SUGP2: variants seen among roughly 807,000 people sequenced by gnomAD.
SUGP2 encodes SURP and G-patch domain-containing protein 2.
In SUGP2, 24 loss-of-function variants were observed where a neutral mutation model predicts 90.5. The observed-to-expected ratio is 0.27, with a 90% CI of 0.19 to 0.37. The LOEUF (loss-of-function observed/expected upper bound fraction) is 0.37, where lower values mean the gene tolerates loss of function less well. SUGP2 is among the 10% of genes least tolerant of loss of function. The pLI is 1.00. For synonymous variants in SUGP2, 473 were observed against 513.4 expected (o/e 0.92, Z 1.06); for missense variants, 1,233 against 1,363.3 (o/e 0.90, Z 1.51).
intron 7 of SUGP2, among the ~76,000 whole-genome samples, chr19:19,003,088 C>T (rs180717519): frequency 6.6e-6 from 1 of 152,256 alleles, no homozygotes; most frequent in Admixed American, 6.5e-5. Context: ...ATTACAGGCA[C>T]GAGCCACTGC....
rs1297435702 is a variant in SUGP2, at chr19:18,991,072, G to A, written c.*2669C>T. 1.3e-5 allele frequency: 2 copies of A among 152,128 alleles called. No individual in the cohort carries two copies. The highest frequency in any genetic ancestry group is 1.9e-4 in the East Asian group (1 of 5,172). The allele number at this position is 152,128 out of a possible 1,614,324, so 9.4% of individuals were successfully genotyped here. On this transcript the variant is annotated 3_prime_UTR_variant, in exon 11 of 11. Transcript: ENST00000452918. Reference sequence around the variant, plus strand: ...AAGTGATTTCCAGTGATGGAAACAAGCCAGAGACAGTAAAGCACCCAGAGT... The same window carrying A: ...AAGTGATTTCCAGTGATGGAAACAAACCAGAGACAGTAAAGCACCCAGAGT...
intron 3 of SUGP2, among the ~76,000 whole-genome samples, chr19:19,020,601 G>A (rs966407330): frequency 6.6e-6 from 1 of 151,374 alleles, no homozygotes; most frequent in African/African-American, 2.4e-5. Flanking sequence ...GCGCCACCAC[G>A]TACAGCTTTA....
chr19:19,031,045 C>A lies in SUGP2; in HGVS notation c.27G>T (p.Glu9Asp). ...TTTCTTGTAATACAGCATCAAAAGT[C>A]TCCTGTGTAATTCGTCTGGCTGCCA... MAARRITQ[E>D]TFDAVLQEKA... The change falls in exon 2 of 11, where the codon GAG becomes GAT. Residue 9 changes from glutamate to aspartate, a missense_variant. Coordinates refer to ENST00000452918, the MANE Select transcript of SUGP2 (RefSeq NM_001017392.5). 5 of 1,613,706 alleles carry A rather than the reference C, an allele frequency of 3.1e-6. No individual in the cohort carries two copies. The highest frequency in any genetic ancestry group is 4.2e-6 in the Non-Finnish European group (5 of 1,179,950).
chr19:18,994,211 T>A (rs996185498), intron 10 of SUGP2, 155 bp downstream of exon 10: 2 of 1,039,542 alleles, frequency 1.9e-6, no homozygotes, highest in African/African-American at 3.2e-5. Flanking sequence ...TCCACATCCA[T>A]AGACCCTTTT....
At chr19:19,009,000 C>T (rs1156881355) in intron 5 of SUGP2, among the ~76,000 whole-genome samples, 1 of 152,194 alleles carries the variant, frequency 6.6e-6, no homozygotes. Context: ...CAACCTCCGC[C>T]TCCCGGGTTC....
intron 7 of SUGP2, among the ~76,000 whole-genome samples, chr19:19,002,269 A>G (rs979261841): frequency 2.0e-5 from 3 of 151,936 alleles, no homozygotes. Context: ...AATCCCAGCT[A>G]TTCAGGAGGC....
At chr19:19,031,499 A>G (rs1237920323) in intron 1 of SUGP2, among the ~76,000 whole-genome samples, 1 of 145,280 alleles carries the variant, frequency 6.9e-6, no homozygotes, top group Non-Finnish European at 1.5e-5. Flanking sequence ...ATGCCACTGC[A>G]CTCCAGCATG....
chr19:18,999,291 A>G (rs8111635), intron 8 of SUGP2, among the ~76,000 whole-genome samples: 106,201 of 152,006 alleles, frequency 0.7, 37,490 homozygotes, highest in East Asian at 0.89. Flanking sequence ...AGACAGGAGG[A>G]CAGGTGCAGA....
At chr19:18,994,612 A>C in intron 9 of SUGP2, 126 bp from the exon 10 acceptor site, 1 of 1,347,842 alleles carries the variant, frequency 7.4e-7, no homozygotes, top group Non-Finnish European at 1.0e-6. Context: ...ACATCAAAGA[A>C]AGGGAAAATC....
Position 19,024,953 on chromosome 19 carries a change from C to G in SUGP2, c.1395G>C (p.Leu465Phe), listed in dbSNP as rs558888482. ...KMKTLSNPLDLALALETTNSL... is the reference protein window; with the variant it reads ...KMKTLSNPLDFALALETTNSL... ...AGTTGGTGGTTTCTAGGGCAAGAGCCAAGTCCAGGGGGTTACTGAGGGTCT... is the reference window on the plus strand; with the variant it reads ...AGTTGGTGGTTTCTAGGGCAAGAGCGAAGTCCAGGGGGTTACTGAGGGTCT... Residue 465 changes from leucine to phenylalanine, a missense_variant, in exon 3 of 11, where the codon TTG (leucine) becomes TTC (phenylalanine). Physicochemically the swap from Leu to Phe is conservative, Grantham distance 22 (BLOSUM62 0). This residue lies in a region of SUGP2 where 59 missense variants were observed against 92.6 expected (regional missense o/e 0.64). Coordinates refer to ENST00000452918, the MANE Select transcript of SUGP2 (RefSeq NM_001017392.5). 3 of 1,614,146 alleles carry G rather than the reference C, an allele frequency of 1.9e-6. No individual in the cohort carries two copies. The highest frequency in any genetic ancestry group is 2.2e-5 in the East Asian group (1 of 44,882).
rs1443942341 is a variant in SUGP2, at chr19:18,994,426, T to C, written c.3189A>G (p.Thr1063=). The C allele has an allele frequency of 6.2e-7, 1 of 1,614,096 alleles. No homozygotes were observed. The highest frequency in any genetic ancestry group is 1.1e-5 in the South Asian group (1 of 91,088). The change falls in exon 10 of 11, where the codon ACA becomes ACG. Residue 1063 remains threonine (T), a synonymous_variant. Transcript: ENST00000452918. ...GADGQEHKED[T]FDVFRQRMMQ... is the part of the protein sequence containing the mutation. The stretch of plus-strand genomic sequence containing the variant: ...TCATCCTCTGTCGGAACACATCGAA[T>C]GTGTCTTCTTTGTGCTCCTGCCCGT...
At chr19:19,023,132 T>C (rs914134294) in intron 3 of SUGP2, among the ~76,000 whole-genome samples, 5 of 152,160 alleles carry the variant, frequency 3.3e-5, no homozygotes, top group African/African-American at 1.2e-4. Flanking sequence ...CAGGTGTACT[T>C]AAGTGATTCA....
Position 18,994,770 on chromosome 19 carries a change from G to A in SUGP2, c.3129-284C>T, listed in dbSNP as rs1472881349. On this transcript the variant is annotated intron_variant, in intron 9 of 10. Transcript: ENST00000452918. ...AAATGAAATGCCTGCTGGAGGTTAT[G>A]ATCGGGGTTTAATAAACTTTGGGCC... 6 of 534,074 alleles carry A rather than the reference G, an allele frequency of 1.1e-5. No individual in the cohort carries two copies. The East Asian group carries it at 2.0e-4, about 18-fold the overall frequency. The allele number at this position is 534,074 out of a possible 1,614,324, so 33.1% of individuals were successfully genotyped here.
At chr19:18,994,337 C>T (rs754576788) in intron 10 of SUGP2, 29 bp downstream of exon 10, 25 of 1,603,858 alleles carry the variant, frequency 1.6e-5, no homozygotes, top group Non-Finnish European at 1.8e-5. Context: ...CGAGGGCAGA[C>T]GGCCTTACAC....
chr19:18,994,423 G>A lies in SUGP2; in HGVS notation c.3192C>T (p.Phe1064=), dbSNP rs147645989. ...ADGQEHKEDT[F]DVFRQRMMQM... is the part of the protein sequence containing the mutation. ...GCATCATCCTCTGTCGGAACACATC[G>A]AATGTGTCTTCTTTGTGCTCCTGCC... The change falls in exon 10 of 11, where the codon TTC becomes TTT. Residue 1064 remains phenylalanine (F), a synonymous_variant. Coordinates refer to ENST00000452918, the MANE Select transcript of SUGP2 (RefSeq NM_001017392.5). 121 of 1,614,044 alleles carry A rather than the reference G, an allele frequency of 7.5e-5. 1 individual carries two copies. The highest frequency in any genetic ancestry group is 9.1e-5 in the Non-Finnish European group (107 of 1,180,028).
In SUGP2 at chr19:19,019,155, GGCT is replaced by G; in HGVS notation, c.1801_1803del (p.Ser601del). ...AGAAGAGTTCTCTCTTTGGGAGACAGGCTGCCTTCGATGACACGTTTCACAAGC... is the reference window on the plus strand; with the variant it reads ...AGAAGAGTTCTCTCTTTGGGAGACAGGCCTTCGATGACACGTTTCACAAGC... On this transcript the variant is annotated inframe_deletion, in exon 4 of 11. Coordinates refer to ENST00000452918, the MANE Select transcript of SUGP2 (RefSeq NM_001017392.5). The G allele has an allele frequency of 6.2e-7, 1 of 1,614,154 alleles. No homozygotes were observed. Among genetic ancestry groups the G allele is most frequent in the Non-Finnish European group, 8.5e-7 (1 of 1,179,996 alleles).
In SUGP2 at chr19:19,024,604, G is replaced by A; in HGVS notation, c.1729+15C>T. The A allele has an allele frequency of 1.3e-6, 2 of 1,577,522 alleles. No individual in the cohort carries two copies. The highest frequency in any genetic ancestry group is 1.2e-5 in the South Asian group (1 of 86,128). On this transcript the variant is annotated intron_variant, in intron 3 of 10. Coordinates refer to ENST00000452918, the MANE Select transcript of SUGP2 (RefSeq NM_001017392.5). Reference sequence around the variant, plus strand: ...ACGAAAAACAACAAATAGAAACTTTGGCTGATTTCCTTACCATCACTCAGA... The same window carrying A: ...ACGAAAAACAACAAATAGAAACTTTAGCTGATTTCCTTACCATCACTCAGA...
intron 3 of SUGP2, among the ~76,000 whole-genome samples, chr19:19,020,726 C>T (rs1255786397): frequency 6.6e-6 from 1 of 151,972 alleles, no homozygotes; most frequent in Non-Finnish European, 1.5e-5. Flanking sequence ...GCATGAGACA[C>T]CATGCCCTGC....
chr19:19,018,686 C>CGAA (rs2058595161), intron 4 of SUGP2, among the ~76,000 whole-genome samples: 1 of 85,938 alleles, frequency 1.2e-5, no homozygotes, highest in Non-Finnish European at 2.1e-5. Context: ...GGCTCCGTCT[C>CGAA]AAAAAAAAAA....
Sources: allele counts gnomAD v4.1 joint callset (sites outside exome capture counted in the v4.1 genomes callset), GRCh38; gene constraint gnomAD v4.1.1; regional missense constraint gnomAD v4.1.1; transcripts MANE v1.5; gene names NCBI Gene and HGNC (gene_info 2026-07-23, HGNC 2026-07-21).